COL10A1: variants seen among roughly 807,000 people sequenced by gnomAD.
COL10A1 encodes collagen alpha-1(X) chain.
In COL10A1, 10 loss-of-function variants were observed where a neutral mutation model predicts 18.2. The observed-to-expected ratio is 0.55, with a 90% CI of 0.34 to 0.93. The LOEUF is 0.93. Among genes scored for constraint, COL10A1 ranks in the 40% least tolerant of loss-of-function variants. COL10A1 has a pLI of 0.02. For missense variants in COL10A1, 897 were observed against 853.5 expected (o/e 1.05, Z -0.64); for synonymous variants, 330 against 316.6 (o/e 1.04, Z -0.45).
At chr6:116,122,472 A>G (rs923554519) in intron 2 of COL10A1, among the ~76,000 whole-genome samples, 1 of 152,222 alleles carries the variant, frequency 6.6e-6, no homozygotes, top group Non-Finnish European at 1.5e-5. Context: ...ACCTCAGAAT[A>G]TACTCTGAGC....
the COL10A1 span, among the ~76,000 whole-genome samples, chr6:116,208,704 T>G: frequency 6.6e-6 from 1 of 152,060 alleles, no homozygotes; most frequent in Non-Finnish European, 1.5e-5. Context: ...TGTAGTGTCT[T>G]TCTGTGACCC....
rs1306163012 is a variant in COL10A1 at position 116,131,233 on chromosome 6, G to T, written c.-15-5726C>A. ...ATTCACCAAGAGCCAATATAAGCCA[G>T]CTCCAGCAAACATTGTATATTTCTG... On this transcript the variant is annotated intron_variant, in intron 1 of 1. Coordinates refer to the COL10A1 transcript ENST00000418500. Among the ~76,000 whole-genome samples the T allele has an allele frequency of 3.3e-5, 5 of 152,082 alleles. No homozygotes were observed. The South Asian group carries it at 1.0e-3, about 32-fold the overall frequency.
At chr6:116,184,776 T>C in the COL10A1 span, among the ~76,000 whole-genome samples, 4,859 of 152,212 alleles carry the variant, frequency 0.032, 274 homozygotes, top group African/African-American at 0.11. Flanking sequence ...TCTTCTCTCT[T>C]CTTAGTTATT....
At chr6:116,166,449 A>C in the COL10A1 span, among the ~76,000 whole-genome samples, 1 of 152,202 alleles carries the variant, frequency 6.6e-6, no homozygotes, top group Admixed American at 6.5e-5. Context: ...AGAAATCACA[A>C]TGGAAGAAGG....
the COL10A1 span, among the ~76,000 whole-genome samples, chr6:116,214,242 G>A: frequency 2.6e-5 from 4 of 151,998 alleles, no homozygotes; most frequent in African/African-American, 9.7e-5. Context: ...ATGTCAAATA[G>A]TACACTGAAA....
chr6:116,163,139 A>ATATATATATATATATATATATATATAT (rs1329810394), upstream of COL10A1, among the ~76,000 whole-genome samples: 1 of 100,430 alleles, frequency 1.0e-5, no homozygotes, highest in African/African-American at 5.6e-5. Context: ...AAAAAAAAAA[A>ATATATATATATATATATATATATATAT]AAATATATAT....
In COL10A1 at chr6:116,121,497, G is replaced by A. The variant is rs907207713; in HGVS notation, c.619C>T (p.Pro207Ser). The A allele has an allele frequency of 3.1e-6, 5 of 1,613,970 alleles. No homozygotes were observed. In the Admixed American group the frequency reaches 6.7e-5, roughly 22 times the overall value. The change falls in exon 3 of 3, where the codon CCT (proline) becomes TCT (serine). Residue 207 changes from proline (P) to serine (S), a missense_variant. Coordinates refer to ENST00000651968, the MANE Select transcript of COL10A1 (RefSeq NM_000493.4). Reference sequence around the variant, plus strand: ...CCAGATGGTCCTGTGGGACCCTGAGGGCCTGGAAGACCCCTCTCACCTGGA... The same window carrying A: ...CCAGATGGTCCTGTGGGACCCTGAGAGCCTGGAAGACCCCTCTCACCTGGA... ...GRPGERGLPG[P>S]QGPTGPSGPP...
chr6:116,167,206 A>ATTTTTTT, the COL10A1 span, among the ~76,000 whole-genome samples: 4 of 87,794 alleles, frequency 4.6e-5, no homozygotes, highest in Admixed American at 1.5e-4. Context: ...CAAATAGAAG[A>ATTTTTTT]TTTTTTTTTT....
chr6:116,141,902 ACACACACACACAC>A (rs1281911862), intron 1 of COL10A1, among the ~76,000 whole-genome samples: 1 of 151,088 alleles, frequency 6.6e-6, no homozygotes, highest in African/African-American at 2.4e-5. Context: ...ACACACACAC[ACACACACACACAC>A]ACACACACAC....
At chr6:116,150,493 C>G (rs1319804448) in intron 1 of COL10A1, among the ~76,000 whole-genome samples, 1 of 152,062 alleles carries the variant, frequency 6.6e-6, no homozygotes, top group East Asian at 1.9e-4. Context: ...CCATGTTGGC[C>G]AGGCTGGTCT....
chr6:116,164,654 A>G, the COL10A1 span, among the ~76,000 whole-genome samples: 2 of 152,160 alleles, frequency 1.3e-5, no homozygotes, highest in Non-Finnish European at 2.9e-5. Flanking sequence ...TTATGTAATT[A>G]TTTTATAGGA....
chr6:116,146,230 C>G (rs1779895290), intron 1 of COL10A1, among the ~76,000 whole-genome samples: 1 of 152,128 alleles, frequency 6.6e-6, no homozygotes, highest in Non-Finnish European at 1.5e-5. Flanking sequence ...AGATTTAAGT[C>G]CATTGTGTGG....
intron 1 of COL10A1, among the ~76,000 whole-genome samples, chr6:116,154,675 T>C (rs1221792852): frequency 1.3e-5 from 2 of 152,118 alleles, no homozygotes; most frequent in Non-Finnish European, 2.9e-5. Context: ...AAGGGAGAGG[T>C]TCTCCCTGAG....
intron 2 of COL10A1, among the ~76,000 whole-genome samples, chr6:116,123,495 G>C (rs1779199678): frequency 6.6e-6 from 1 of 152,242 alleles, no homozygotes; most frequent in South Asian, 2.1e-4. Context: ...GGTTGTGTCA[G>C]AATGTGGCAC....
upstream of COL10A1, among the ~76,000 whole-genome samples, chr6:116,130,991 G>A (rs188139104): frequency 2.6e-3 from 398 of 152,212 alleles, 10 homozygotes; most frequent in South Asian, 0.044. Flanking sequence ...TGGTAATACT[G>A]CCCACTCAAT....
chr6:116,202,917 G>C, the COL10A1 span, among the ~76,000 whole-genome samples: 1 of 151,902 alleles, frequency 6.6e-6, no homozygotes, highest in African/African-American at 2.4e-5. Flanking sequence ...AATATTACTA[G>C]GGGTAATGTA....
the COL10A1 span, among the ~76,000 whole-genome samples, chr6:116,184,651 A>G: frequency 3.9e-5 from 6 of 151,990 alleles, no homozygotes; most frequent in Middle Eastern, 6.3e-3. Flanking sequence ...CATCTCCTCT[A>G]GGTTTTCTAG....
At chr6:116,149,376 A>G (rs1050527676) in intron 1 of COL10A1, among the ~76,000 whole-genome samples, 4 of 152,212 alleles carry the variant, frequency 2.6e-5, no homozygotes, top group African/African-American at 9.6e-5. Context: ...CAGGAAATCA[A>G]ATAGACAGTG....
chr6:116,216,622 T>C, the COL10A1 span, among the ~76,000 whole-genome samples: 1 of 151,838 alleles, frequency 6.6e-6, no homozygotes, highest in Non-Finnish European at 1.5e-5. Context: ...CTTTACACAA[T>C]CTAGATATTC....
Sources: allele counts gnomAD v4.1 joint callset (sites outside exome capture counted in the v4.1 genomes callset), GRCh38; gene constraint gnomAD v4.1.1; transcripts MANE v1.5; gene names NCBI Gene and HGNC (gene_info 2026-07-23, HGNC 2026-07-21).